The following PHACTR1 variants were observed in gnomAD, a reference collection of about 807,000 sequenced individuals.
The protein encoded by PHACTR1 is RPEL repeat containing 1.
A neutral mutation model predicts 69.2 loss-of-function variants in PHACTR1; 16 were observed. The observed-to-expected ratio is 0.23, with a 90% CI of 0.16 to 0.35. PHACTR1 has a LOEUF of 0.35. Ranked by LOEUF, PHACTR1 falls within the 10% of genes least tolerant of loss-of-function variation. The pLI, the probability that PHACTR1 is intolerant of heterozygous loss-of-function variation, is 1.00. For missense variants in PHACTR1, 510 were observed against 734.7 expected (o/e 0.69, Z 3.54); for synonymous variants, 312 against 284.5 (o/e 1.10, Z -0.97).
At chr6:12,719,715 G>A (rs1761862851) in intron 3 of PHACTR1, among the ~76,000 whole-genome samples, 1 of 152,126 alleles carries the variant, frequency 6.6e-6, no homozygotes, top group South Asian at 2.1e-4. Context: ...TATAATTCTG[G>A]CATCTTTCAC....
chr6:12,764,292 T>TA (rs1038189719), intron 4 of PHACTR1, among the ~76,000 whole-genome samples: 1 of 152,224 alleles, frequency 6.6e-6, no homozygotes, highest in African/African-American at 2.4e-5. Context: ...TATTACTGTG[T>TA]ATTAAGGCTA....
chr6:13,247,867 T>TA (rs1212768492), intron 10 of PHACTR1, among the ~76,000 whole-genome samples: 28 of 146,660 alleles, frequency 1.9e-4, no homozygotes, highest in South Asian at 6.4e-4. Flanking sequence ...CCTGCCTCTT[T>TA]AAAAAAAAAC....
In PHACTR1 at chr6:13,218,852, G is replaced by GAGAA. The variant is rs1584010219; in HGVS notation, c.987-8963_987-8962insGAAA. On this transcript the variant is annotated intron_variant, in intron 8 of 14. Transcript: ENST00000332995. ...AGAAAAAGAGGAGGAGGAGGAGGAGGAAAGAGAAGAGAAGAGAAGAGAAGA... is the reference window on the plus strand; with the variant it reads ...AGAAAAAGAGGAGGAGGAGGAGGAGGAGAAAAAGAGAAGAGAAGAGAAGAGAAGA... Among the ~76,000 whole-genome samples the GAGAA allele has an allele frequency of 1.2e-4, 16 of 128,330 alleles. No homozygotes were observed. In the South Asian group the frequency reaches 4.2e-3, roughly 33 times the overall value. The allele number at this position is 128,330 out of a possible 152,430, so 84.2% of individuals were successfully genotyped here.
chr6:13,284,543 A>AAAATAT (rs1554187813), intron 13 of PHACTR1, among the ~76,000 whole-genome samples: 8 of 61,356 alleles, frequency 1.3e-4, no homozygotes, highest in Middle Eastern at 8.6e-3. Context: ...AAAAAAAAAA[A>AAAATAT]ATATATATAT....
intron 4 of PHACTR1, among the ~76,000 whole-genome samples, chr6:13,018,531 C>G (rs955835229): frequency 1.3e-5 from 2 of 152,092 alleles, no homozygotes; most frequent in African/African-American, 2.4e-5. Flanking sequence ...ATTGTTACCC[C>G]CCAAGTCCAG....
intron 4 of PHACTR1, among the ~76,000 whole-genome samples, chr6:12,934,664 C>T (rs1433971681): frequency 6.6e-6 from 1 of 151,914 alleles, no homozygotes; most frequent in Non-Finnish European, 1.5e-5. Flanking sequence ...GGTGAAACCC[C>T]GTCTCTAATA....
chr6:12,734,040 G>A (rs571316146), intron 3 of PHACTR1, among the ~76,000 whole-genome samples: 6 of 152,196 alleles, frequency 3.9e-5, no homozygotes, highest in African/African-American at 1.4e-4. Flanking sequence ...TCTGCATCTA[G>A]CGTGATTCAG....
chr6:13,048,743 G>A (rs545632148), intron 4 of PHACTR1, among the ~76,000 whole-genome samples: 6 of 152,276 alleles, frequency 3.9e-5, no homozygotes, highest in Admixed American at 3.9e-4. Context: ...TGTTGGCCAG[G>A]CTGGTCTTGA....
chr6:12,949,462 G>A (rs1791051521), intron 4 of PHACTR1, among the ~76,000 whole-genome samples: 1 of 152,004 alleles, frequency 6.6e-6, no homozygotes, highest in African/African-American at 2.4e-5. Flanking sequence ...TCATTGGGAG[G>A]GAAGACTAAG....
chr6:12,841,080 G>A (rs779417081), intron 4 of PHACTR1, among the ~76,000 whole-genome samples: 15 of 152,132 alleles, frequency 9.9e-5, no homozygotes, highest in Admixed American at 6.6e-5. Context: ...AACTGACTTC[G>A]TTTTTTTACT....
At chr6:13,138,655 T>C (rs1821930091) in intron 5 of PHACTR1, among the ~76,000 whole-genome samples, 1 of 152,142 alleles carries the variant, frequency 6.6e-6, no homozygotes, top group Admixed American at 6.5e-5. Context: ...TGTCTCAAGT[T>C]TGTTCAAGGA....
chr6:13,163,556 A>G (rs1759356130), intron 6 of PHACTR1, among the ~76,000 whole-genome samples: 1 of 152,222 alleles, frequency 6.6e-6, no homozygotes, highest in South Asian at 2.1e-4. Flanking sequence ...ACAGGCTAAA[A>G]TGAAAACTTC....
At chr6:12,826,204 T>C (rs375473549) in intron 4 of PHACTR1, among the ~76,000 whole-genome samples, 3 of 152,204 alleles carry the variant, frequency 2.0e-5, no homozygotes, top group African/African-American at 4.8e-5. Context: ...CTTACCACTT[T>C]TTTTCTGGAA....
chr6:12,958,490 A>G (rs574242543), intron 4 of PHACTR1, among the ~76,000 whole-genome samples: 1 of 152,352 alleles, frequency 6.6e-6, no homozygotes, highest in South Asian at 2.1e-4. Context: ...AAACGGAAAC[A>G]TAAGGGATAG....
chr6:13,176,674 A>G (rs1403614030), intron 6 of PHACTR1, among the ~76,000 whole-genome samples: 1 of 152,116 alleles, frequency 6.6e-6, no homozygotes, highest in Non-Finnish European at 1.5e-5. Context: ...ATAAATAAAT[A>G]TATATTTGTT....
At chr6:13,077,014 C>T (rs1561795683) in intron 5 of PHACTR1, among the ~76,000 whole-genome samples, 2 of 149,924 alleles carry the variant, frequency 1.3e-5, no homozygotes, top group Non-Finnish European at 3.0e-5. Flanking sequence ...GTGGGTGCAG[C>T]GCACCAGCAT....
intron 10 of PHACTR1, among the ~76,000 whole-genome samples, chr6:13,243,923 A>G (rs981077013): frequency 6.6e-6 from 1 of 152,234 alleles, no homozygotes; most frequent in African/African-American, 2.4e-5. Context: ...TGCAAAGAAC[A>G]TGATCTCATT....
intron 3 of PHACTR1, among the ~76,000 whole-genome samples, chr6:12,742,741 G>C (rs776109912): frequency 2.3e-4 from 35 of 152,114 alleles, no homozygotes; most frequent in Non-Finnish European, 5.1e-4. Flanking sequence ...TGGTTGAATA[G>C]GGGTGATGAT....
intron 4 of PHACTR1, among the ~76,000 whole-genome samples, chr6:13,033,640 A>G (rs1802804725): frequency 6.6e-6 from 1 of 152,244 alleles, no homozygotes; most frequent in Non-Finnish European, 1.5e-5. Flanking sequence ...GGAAAATGCT[A>G]TATACAGGAT....
Sources: gnomAD v4.1 joint callset for allele counts (sites outside exome capture counted in the v4.1 genomes callset) on GRCh38, gnomAD v4.1.1 for gene constraint, MANE v1.5 for transcripts, NCBI Gene and HGNC (gene_info 2026-07-23, HGNC 2026-07-21) for gene names.